FCAR: variants seen among roughly 807,000 people sequenced by gnomAD.
FCAR encodes the protein immunoglobulin alpha Fc receptor.
FCAR carries 21 observed loss-of-function variants against 27.1 expected under a neutral mutation model. The observed-to-expected ratio is 0.77, with a 90% confidence interval of 0.55 to 1.11. The LOEUF (loss-of-function observed/expected upper bound fraction) is 1.11. Ranked by LOEUF, FCAR falls within the 50% of genes most tolerant of loss-of-function variation. The pLI is 0.00. For synonymous variants in FCAR, 134 were observed against 135.8 expected (o/e 0.99, Z 0.09); for missense variants, 404 against 358.4 (o/e 1.13, Z -1.03).
chr19:54,876,040 T>C (rs2066073081), intron 2 of FCAR, among the ~76,000 whole-genome samples: 1 of 152,248 alleles, frequency 6.6e-6, no homozygotes, highest in Non-Finnish European at 1.5e-5. Context: ...CTTGCAGAGA[T>C]CTTTCACCTC....
At chr19:54,882,625 G>T (rs1904826241) in intron 2 of FCAR, among the ~76,000 whole-genome samples, 1 of 151,796 alleles carries the variant, frequency 6.6e-6, no homozygotes, top group Admixed American at 6.6e-5. Flanking sequence ...GTTTAGTAGA[G>T]CCCGGGTTTT....
chr19:54,888,450 T>C (rs2066883001), intron 4 of FCAR, 156 bp downstream of exon 4: 2 of 1,434,268 alleles, frequency 1.4e-6, no homozygotes, highest in Non-Finnish European at 9.1e-7. Context: ...CACCACACTT[T>C]CCGCTTTCAC....
chr19:54,878,628 T>C (rs2066233553), intron 2 of FCAR, among the ~76,000 whole-genome samples: 1 of 151,952 alleles, frequency 6.6e-6, no homozygotes, highest in Middle Eastern at 3.4e-3. Flanking sequence ...CCGTGGCCAC[T>C]GTCCTGCTAT....
chr19:54,875,989 G>C (rs2066069894), intron 2 of FCAR, among the ~76,000 whole-genome samples: 3 of 152,180 alleles, frequency 2.0e-5, no homozygotes. Context: ...CCATTTGTTT[G>C]TGTCATCTAT....
At position 54,890,259 on chromosome 19, in the gene FCAR, CA is replaced by C. The variant is rs59587280; in HGVS notation, c.*397del. The C allele has an allele frequency of 0.068, 15,950 of 234,350 alleles. 739 individuals carry two copies. Among genetic ancestry groups the C allele is most frequent in the African/African-American group, 0.12 (5,477 of 43,966 alleles). The allele number at this position is 234,350 out of a possible 1,614,324, so 14.5% of individuals were successfully genotyped here. A position where few individuals can be genotyped will look rare whatever the true frequency, so the allele number is the denominator to read the frequency against. ...ATGAGCCACCACGCCTGGCCAGATG[CA>C]TGTTCAAACCAATCAAATGGTGTTT... is the stretch of plus-strand genomic sequence containing the variant. On this transcript the variant is annotated 3_prime_UTR_variant, in exon 5 of 5. Transcript: ENST00000355524.
intron 2 of FCAR, among the ~76,000 whole-genome samples, chr19:54,878,326 T>C (rs1301675607): frequency 3.9e-5 from 6 of 152,188 alleles, no homozygotes; most frequent in Admixed American, 3.9e-4. Context: ...GTTCTGTAGA[T>C]GTCTGTCAGG....
chr19:54,877,385 A>C (rs750232636), intron 2 of FCAR, among the ~76,000 whole-genome samples: 3 of 152,196 alleles, frequency 2.0e-5, no homozygotes, highest in Non-Finnish European at 4.4e-5. Flanking sequence ...GTTTGTGTGC[A>C]TAGAGGTGTT....
Position 54,890,688 on chromosome 19 carries a change from A to G in FCAR, c.*825A>G, listed in dbSNP as rs1014217936. The G allele has an allele frequency of 2.0e-5, 3 of 152,184 alleles. No individual in the cohort carries two copies. Among genetic ancestry groups the G allele is most frequent in the African/African-American group, 7.2e-5 (3 of 41,426 alleles). The allele number at this position is 152,184 out of a possible 1,614,324, so 9.4% of individuals were successfully genotyped here. A position where few individuals can be genotyped will look rare whatever the true frequency, so the allele number is the denominator to read the frequency against. The stretch of plus-strand genomic sequence containing the variant: ...CGTGATCTGCCCGCCTCGGCCTCCC[A>G]AAGTGCTGGGATTACAGATGTGAGC... On this transcript the variant is annotated 3_prime_UTR_variant, in exon 5 of 5. Coordinates refer to ENST00000355524, the MANE Select transcript of FCAR (RefSeq NM_002000.4).
rs181306929 is a variant in FCAR at position 54,887,364 on chromosome 19, T to A, written c.362-643T>A. ...GGCTGGGCACTGTGGTTCACGCCTG[T>A]AATCCCAGCACTTTGGGAGGCTGAG... On this transcript the variant is annotated intron_variant, in intron 3 of 4. Transcript: ENST00000355524. Among the ~76,000 whole-genome samples, 402 of 152,322 alleles carry A rather than the reference T, an allele frequency of 2.6e-3. 2 individuals are homozygous for A. Among genetic ancestry groups the A allele is most frequent in the Non-Finnish European group, 4.3e-3 (293 of 68,026 alleles).
rs1339325331 is a variant in FCAR at position 54,878,521 on chromosome 19, A to G, written c.70+3156A>G. Among the ~76,000 whole-genome samples the G allele has an allele frequency of 2.0e-5, 3 of 151,474 alleles. No homozygotes were observed. The East Asian group carries it at 5.8e-4, about 29-fold the overall frequency. On this transcript the variant is annotated intron_variant, in intron 2 of 4. Coordinates refer to ENST00000355524, the MANE Select transcript of FCAR (RefSeq NM_002000.4). ...CATGTTAGGTGCATATATATTTAGGATAGTTAGGTCTTCATGCTCTTTTTT... is the reference window on the plus strand; with the variant it reads ...CATGTTAGGTGCATATATATTTAGGGTAGTTAGGTCTTCATGCTCTTTTTT...
At chr19:54,875,475 A>G in intron 2 of FCAR, 110 bp downstream of exon 2, 1 of 904,616 alleles carries the variant, frequency 1.1e-6, no homozygotes, top group African/African-American at 1.7e-5. Context: ...TCCCCATTCT[A>G]GTTGTTTCTG....
At chr19:54,888,500 T>C in intron 4 of FCAR, 1 of 1,414,680 alleles carries the variant, frequency 7.1e-7, no homozygotes, top group Non-Finnish European at 9.2e-7. Context: ...CATTGAAAAC[T>C]TAGTCTGTGG....
Position 54,883,134 on chromosome 19 carries a change from T to C in FCAR, c.71-2101T>C, listed in dbSNP as rs944048970. On this transcript the variant is annotated intron_variant, in intron 2 of 4. Coordinates refer to ENST00000355524, the MANE Select transcript of FCAR (RefSeq NM_002000.4). ...GATCCTCCTGCCTCAGCCTCCTGAG[T>C]AGCTGGGACTACAAGCACGCAGCAC... Among the ~76,000 whole-genome samples the C allele has an allele frequency of 2.0e-5, 3 of 151,974 alleles. No homozygotes were observed. The East Asian group carries it at 5.8e-4, about 29-fold the overall frequency.
intron 3 of FCAR, among the ~76,000 whole-genome samples, chr19:54,886,009 G>A (rs1009937069): frequency 1.3e-5 from 2 of 151,974 alleles, no homozygotes; most frequent in African/African-American, 4.8e-5. Flanking sequence ...CACTTTGGGT[G>A]GCTGAGGTGG....
chr19:54,885,293 A>G lies in FCAR; in HGVS notation c.129A>G (p.Gly43=). Reference sequence around the variant, plus strand: ...CGAGTCCTGTGATTCCCTTGGATGGATCTGTGAAAATCCAGTGCCAGGCCA... The same window carrying G: ...CGAGTCCTGTGATTCCCTTGGATGGGTCTGTGAAAATCCAGTGCCAGGCCA... ...AKSSPVIPLD[G]SVKIQCQAIR... The change falls in exon 3 of 5, where the codon GGA becomes GGG. Residue 43 remains glycine, a synonymous_variant. Transcript: ENST00000355524. 6.2e-7 allele frequency: 1 copy of G among 1,613,852 alleles called. No homozygotes were observed. Among genetic ancestry groups the G allele is most frequent in the Non-Finnish European group, 8.5e-7 (1 of 1,179,922 alleles).
intron 2 of FCAR, among the ~76,000 whole-genome samples, chr19:54,879,550 T>G (rs1043441536): frequency 9.2e-5 from 14 of 152,208 alleles, no homozygotes; most frequent in African/African-American, 2.9e-4. Flanking sequence ...ATTCTTTTCA[T>G]AAGAACATTA....
rs60755830 is a variant in FCAR at position 54,883,181 on chromosome 19, AT to A, written c.71-2038del. On this transcript the variant is annotated intron_variant, in intron 2 of 4. Transcript: ENST00000355524. ...GCACCATAAAGAGAAAATTTTTGTA[AT>A]TTTTTTTTTTTTTTTGTAGAGATGG... Among the ~76,000 whole-genome samples the A allele has an allele frequency of 4.3e-3, 601 of 139,766 alleles. 2 individuals carry two copies. Among genetic ancestry groups the A allele is most frequent in the African/African-American group, 6.3e-3 (242 of 38,266 alleles). 91.7% of individuals were successfully genotyped at this position (139,766 alleles called of 152,430 possible). A position where few individuals can be genotyped will look rare whatever the true frequency, so the allele number is the denominator to read the frequency against.
intron 2 of FCAR, among the ~76,000 whole-genome samples, chr19:54,878,388 A>G (rs1420854262): frequency 6.6e-6 from 1 of 152,150 alleles, no homozygotes; most frequent in Non-Finnish European, 1.5e-5. Flanking sequence ...GTTTGCCTCA[A>G]TGATCTAATA....
At chr19:54,886,602 G>A (rs768963876) in intron 3 of FCAR, among the ~76,000 whole-genome samples, 56 of 151,910 alleles carry the variant, frequency 3.7e-4, no homozygotes, top group African/African-American at 1.3e-3. Flanking sequence ...CACCACGCCC[G>A]GCCCCCGAAA....
Sources: gnomAD v4.1 joint callset for allele counts (sites outside exome capture counted in the v4.1 genomes callset) on GRCh38, gnomAD v4.1.1 for gene constraint, MANE v1.5 for transcripts, NCBI Gene and HGNC (gene_info 2026-07-23, HGNC 2026-07-21) for gene names.